The following PIGU variants were observed in gnomAD, a reference collection of about 807,000 sequenced individuals.
PIGU encodes the protein GPI-anchor transamidase component PIGU.
Under a neutral mutation model 49.9 loss-of-function variants are expected in PIGU, and 24 were observed. The observed-to-expected ratio is 0.48, with a 90% CI of 0.35 to 0.68. The LOEUF is 0.68. Ranked by LOEUF, PIGU falls within the 30% of genes least tolerant of loss-of-function variation. PIGU has a pLI of 0.01. For missense variants in PIGU, 490 were observed against 532.6 expected (o/e 0.92, Z 0.79); for synonymous variants, 220 against 205.7 (o/e 1.07, Z -0.59).
chr20:34,563,921 G>A (rs1032088814), intron 11 of PIGU, among the ~76,000 whole-genome samples: 1 of 152,148 alleles, frequency 6.6e-6, no homozygotes, highest in African/African-American at 2.4e-5. Flanking sequence ...TTTGCCTGGG[G>A]TATTCTTTCT....
chr20:34,661,565 C>T (rs376469003), intron 1 of PIGU, among the ~76,000 whole-genome samples: 14 of 149,510 alleles, frequency 9.4e-5, no homozygotes, highest in African/African-American at 2.5e-4. Context: ...TTTTTTAATG[C>T]TGCATAGTGT....
In PIGU at chr20:34,560,944, C is replaced by T. The variant is rs1342986056; in HGVS notation, c.1230G>A (p.Leu410=). Residue 410 remains leucine, a synonymous_variant, in exon 12 of 12, where the codon CTG becomes CTA. Transcript: ENST00000217446. ...LLISDYFYAF[L]RREYYLTHGL... is the part of the protein sequence containing the mutation. ...CATGTGTGAGGTAGTACTCCCGCCGCAGGAAGGCATAGAAGTAATCAGAGA... is the reference window on the plus strand; with the variant it reads ...CATGTGTGAGGTAGTACTCCCGCCGTAGGAAGGCATAGAAGTAATCAGAGA... 16 of 1,612,908 alleles carry T rather than the reference C, an allele frequency of 9.9e-6. No homozygotes were observed. The highest frequency in any genetic ancestry group is 1.4e-5 in the Non-Finnish European group (16 of 1,179,066).
intron 2 of PIGU, among the ~76,000 whole-genome samples, chr20:34,652,974 GTT>G (rs1297140166): frequency 7.3e-6 from 1 of 136,286 alleles, no homozygotes; most frequent in African/African-American, 2.7e-5. Context: ...GTCAAGTTGG[GTT>G]TTTTTTTTTT....
chr20:34,620,051 CACCT>C, intron 6 of PIGU, among the ~76,000 whole-genome samples: 1 of 152,134 alleles, frequency 6.6e-6, no homozygotes, highest in Non-Finnish European at 1.5e-5. Flanking sequence ...GTCTCCCAAC[CACCT>C]CCCATCCAAG....
intron 8 of PIGU, among the ~76,000 whole-genome samples, chr20:34,586,647 C>T (rs1184446031): frequency 6.6e-6 from 1 of 151,220 alleles, no homozygotes; most frequent in Non-Finnish European, 1.5e-5. Flanking sequence ...GAGTCTTCGG[C>T]ACCTATGCAG....
chr20:34,561,100 T>G, intron 11 of PIGU, 121 bp from the exon 12 acceptor site: 1 of 686,734 alleles, frequency 1.5e-6, no homozygotes, highest in Non-Finnish European at 2.5e-6. Flanking sequence ...TGGATCACAA[T>G]CACTGGAGAG....
chr20:34,656,433 CTA>C, intron 2 of PIGU, among the ~76,000 whole-genome samples: 1 of 123,726 alleles, frequency 8.1e-6, no homozygotes, highest in East Asian at 2.5e-4. Context: ...CAGGCGCCCA[CTA>C]CCGCGCCCAG....
At chr20:34,573,619 C>T (rs1375659300) in intron 11 of PIGU, among the ~76,000 whole-genome samples, 1 of 152,226 alleles carries the variant, frequency 6.6e-6, no homozygotes, top group Non-Finnish European at 1.5e-5. Flanking sequence ...AGGCCCAATG[C>T]CCACCCATGC....
intron 7 of PIGU, among the ~76,000 whole-genome samples, chr20:34,599,449 CA>C (rs1161084861): frequency 6.6e-6 from 1 of 151,564 alleles, no homozygotes; most frequent in Non-Finnish European, 1.5e-5. Context: ...ACCCCCGTCT[CA>C]AAAAAACAAA....
At chr20:34,561,020 C>T in intron 11 of PIGU, 41 bp from the exon 12 acceptor site, 4 of 1,399,394 alleles carry the variant, frequency 2.9e-6, no homozygotes, top group Non-Finnish European at 4.0e-6. Flanking sequence ...CTGGGTACCT[C>T]CCCCTAAACC....
intron 8 of PIGU, 95 bp from the exon 9 acceptor site, chr20:34,585,675 G>A (rs945664948): frequency 1.4e-6 from 2 of 1,421,024 alleles, no homozygotes; most frequent in Non-Finnish European, 1.9e-6. Flanking sequence ...GTCACTGCTG[G>A]GCAGCCAAGG....
intron 1 of PIGU, among the ~76,000 whole-genome samples, chr20:34,661,850 C>T (rs748149028): frequency 6.6e-6 from 1 of 152,092 alleles, no homozygotes; most frequent in Non-Finnish European, 1.5e-5. Context: ...ATAAGTGTTT[C>T]CTTTTCTCCA....
rs557061446 is a variant in PIGU, at chr20:34,563,627, G to C, written c.1195-2648C>G. On this transcript the variant is annotated intron_variant, in intron 11 of 11. Transcript: ENST00000217446. ...AATCAATGAATCAATACATCAATGGGGGGGGGGAGATAAATCTTCCTTCCA... is the reference window on the plus strand; with the variant it reads ...AATCAATGAATCAATACATCAATGGCGGGGGGGAGATAAATCTTCCTTCCA... Among the ~76,000 whole-genome samples the C allele has an allele frequency of 7.8e-4, 118 of 151,414 alleles. No homozygotes were observed. In the South Asian group the frequency reaches 0.012, roughly 16 times the overall value.
At chr20:34,582,499 G>A (rs1201165287) in intron 9 of PIGU, among the ~76,000 whole-genome samples, 1 of 151,986 alleles carries the variant, frequency 6.6e-6, no homozygotes, top group Non-Finnish European at 1.5e-5. Context: ...AGGCAACATA[G>A]TGAAATCTCA....
intron 10 of PIGU, among the ~76,000 whole-genome samples, chr20:34,576,295 G>T (rs1317803200): frequency 6.6e-6 from 1 of 152,128 alleles, no homozygotes; most frequent in Non-Finnish European, 1.5e-5. Flanking sequence ...TGGTAAACAA[G>T]ATGACATGTG....
chr20:34,649,459 T>G (rs1356505748), intron 2 of PIGU, among the ~76,000 whole-genome samples: 1 of 152,056 alleles, frequency 6.6e-6, no homozygotes. Flanking sequence ...TCAACAGACT[T>G]TATCTTCCAT....
chr20:34,645,456 C>T lies in PIGU; in HGVS notation c.196-122G>A, dbSNP rs138547159. On this transcript the variant is annotated intron_variant, in intron 2 of 11. Coordinates refer to ENST00000217446, the MANE Select transcript of PIGU (RefSeq NM_080476.5). ...AAACTATTATGCTAGTATTCTCCTT[C>T]CTGGAATACTGTTCTACGCCAGCTG... 5.5e-5 allele frequency: 69 copies of T among 1,265,698 alleles called. No individual in the cohort carries two copies. The East Asian group carries it at 2.0e-3, about 37-fold the overall frequency. The allele number at this position is 1,265,698 out of a possible 1,614,324, so 78.4% of individuals were successfully genotyped here. A position where few individuals can be genotyped will look rare whatever the true frequency, so the allele number is the denominator to read the frequency against.
intron 1 of PIGU, among the ~76,000 whole-genome samples, chr20:34,669,178 G>T (rs1017813836): frequency 1.3e-5 from 2 of 151,926 alleles, no homozygotes; most frequent in African/African-American, 4.8e-5. Flanking sequence ...TAGCCACTGT[G>T]CCCAGCAAAA....
chr20:34,643,948 C>A lies in PIGU; in HGVS notation c.318+216G>T, dbSNP rs979396431. 48 of 409,186 alleles carry A rather than the reference C, an allele frequency of 1.2e-4. No individual in the cohort carries two copies. The East Asian group carries it at 1.9e-3, about 16-fold the overall frequency. The allele number at this position is 409,186 out of a possible 1,614,324, so 25.3% of individuals were successfully genotyped here. A position where few individuals can be genotyped will look rare whatever the true frequency, so the allele number is the denominator to read the frequency against. On this transcript the variant is annotated intron_variant, in intron 4 of 11. Transcript: ENST00000217446. ...GTGGATATTAATAGTTATTAATAAG[C>A]TACATAGATGAAGCTGGCCCTTCTT... is the stretch of plus-strand genomic sequence containing the variant.
Sources: allele counts gnomAD v4.1 joint callset (sites outside exome capture counted in the v4.1 genomes callset), GRCh38; gene constraint gnomAD v4.1.1; transcripts MANE v1.5; gene names NCBI Gene and HGNC (gene_info 2026-07-23, HGNC 2026-07-21).